Variants in UBAP2 observed in about 807,000 individuals in gnomAD.
The protein encoded by UBAP2 is ubiquitin associated protein 2, also known as ubiquitin-associated protein 2.
UBAP2 carries 75 observed loss-of-function variants against 139.6 expected under a neutral mutation model. That is an observed-to-expected ratio of 0.54 (90% confidence interval 0.45 to 0.65). UBAP2 has a LOEUF of 0.65. UBAP2 is among the 30% of genes least tolerant of loss of function. UBAP2 has a pLI of 0.00. For synonymous variants in UBAP2, 526 were observed against 526.2 expected (o/e 1.00, Z 0.01); for missense variants, 1,368 against 1,369.6 (o/e 1.00, Z 0.02).
chr9:33,968,961 T>C (rs993441954), intron 8 of UBAP2, among the ~76,000 whole-genome samples: 1 of 152,232 alleles, frequency 6.6e-6, no homozygotes, highest in African/African-American at 2.4e-5. Flanking sequence ...TCTGTGACTC[T>C]GCATACTATT....
At position 33,923,534 on chromosome 9, in the gene UBAP2, C is replaced by T; in HGVS notation, c.2797-56G>A. ...TAGGAAGAGGCAAGCTGAGGCTGGT[C>T]AGGTACCCCTGCCAGAGCCTAAGGC... On this transcript the variant is annotated intron_variant, in intron 24 of 28. Coordinates refer to ENST00000379238, the MANE Select transcript of UBAP2 (RefSeq NM_001370062.2). 3.2e-6 allele frequency: 5 copies of T among 1,555,612 alleles called. No homozygotes were observed. The East Asian group carries it at 6.7e-5, about 21-fold the overall frequency.
At chr9:33,932,357 G>C (rs1824056292) in intron 19 of UBAP2, among the ~76,000 whole-genome samples, 1 of 152,156 alleles carries the variant, frequency 6.6e-6, no homozygotes, top group Non-Finnish European at 1.5e-5. Context: ...ATTCTTCCCA[G>C]GCGCTACAAA....
In UBAP2 at chr9:33,935,826, C is replaced by G. The variant is rs1284926001; in HGVS notation, c.1969+13G>C. 6.2e-7 allele frequency: 1 copy of G among 1,614,104 alleles called. No homozygotes were observed. Among genetic ancestry groups the G allele is most frequent in the Non-Finnish European group, 8.5e-7 (1 of 1,179,974 alleles). On this transcript the variant is annotated intron_variant, in intron 17 of 28. Coordinates refer to ENST00000379238, the MANE Select transcript of UBAP2 (RefSeq NM_001370062.2). The stretch of plus-strand genomic sequence containing the variant: ...CACCAGCCATGACAAGAGTAGCTTG[C>G]TGCTATACTTACTGTCTAGTGTCTG...
At chr9:34,041,199 T>C (rs117703548) in intron 1 of UBAP2, among the ~76,000 whole-genome samples, 11,961 of 151,404 alleles carry the variant, frequency 0.079, 677 homozygotes, top group Non-Finnish European at 0.12. Flanking sequence ...ACACCTGTAA[T>C]CCCGGCACTT....
intron 19 of UBAP2, chr9:33,928,800 C>G (rs1823712089): frequency 6.6e-6 from 1 of 152,386 alleles, no homozygotes; most frequent in South Asian, 2.1e-4. Context: ...AGAGGGAGAC[C>G]AGTCTCCAAA....
At chr9:33,923,546 C>A in intron 24 of UBAP2, 68 bp from the exon 25 acceptor site, 2 of 1,496,164 alleles carry the variant, frequency 1.3e-6, no homozygotes, top group Non-Finnish European at 1.9e-6. Context: ...GGTACCCCTG[C>A]CAGAGCCTAA....
intron 12 of UBAP2, among the ~76,000 whole-genome samples, chr9:33,950,636 T>C (rs1185874249): frequency 6.6e-6 from 1 of 152,214 alleles, no homozygotes; most frequent in African/African-American, 2.4e-5. Flanking sequence ...CTGAGGTTGC[T>C]ACCAATTTGC....
intron 10 of UBAP2, among the ~76,000 whole-genome samples, chr9:33,960,019 TCCTG>T (rs1323136064): frequency 6.6e-6 from 1 of 152,142 alleles, no homozygotes; most frequent in Non-Finnish European, 1.5e-5. Context: ...AGCCTTGAAC[TCCTG>T]GGCTCAAGAG....
chr9:33,926,412 G>A (rs1305937661), intron 22 of UBAP2, among the ~76,000 whole-genome samples: 2 of 152,178 alleles, frequency 1.3e-5, no homozygotes, highest in African/African-American at 4.8e-5. Context: ...TGTTTCCCAG[G>A]GATGAGCACT....
chr9:34,010,818 A>G (rs117918420), intron 2 of UBAP2, among the ~76,000 whole-genome samples: 1 of 152,190 alleles, frequency 6.6e-6, no homozygotes, highest in Non-Finnish European at 1.5e-5. Context: ...CTCACTGCAC[A>G]GTAAGTATTA....
At chr9:34,015,498 T>G (rs1824172421) in intron 2 of UBAP2, among the ~76,000 whole-genome samples, 1 of 151,856 alleles carries the variant, frequency 6.6e-6, no homozygotes, top group Non-Finnish European at 1.5e-5. Context: ...TTTCGTATTT[T>G]TTTTTTTTAG....
At chr9:33,946,576 T>TG (rs1232325037) in intron 13 of UBAP2, among the ~76,000 whole-genome samples, 1 of 152,188 alleles carries the variant, frequency 6.6e-6, no homozygotes, top group African/African-American at 2.4e-5. Flanking sequence ...ACCTAATATT[T>TG]TAGCCTTTGT....
At chr9:33,958,484 C>T (rs1826752816) in intron 10 of UBAP2, among the ~76,000 whole-genome samples, 1 of 151,290 alleles carries the variant, frequency 6.6e-6, no homozygotes, top group South Asian at 2.1e-4. Flanking sequence ...GATCTTGTCT[C>T]ACTGCAAGTG....
intron 27 of UBAP2, 24 bp from the exon 28 acceptor site, chr9:33,922,902 T>C: frequency 6.2e-7 from 1 of 1,612,166 alleles, no homozygotes; most frequent in Non-Finnish European, 8.5e-7. Flanking sequence ...AAGACAATGG[T>C]GAAGGTCAGG....
intron 1 of UBAP2, among the ~76,000 whole-genome samples, chr9:34,048,284 T>A (rs993482500): frequency 6.6e-6 from 1 of 152,218 alleles, no homozygotes; most frequent in Non-Finnish European, 1.5e-5. Flanking sequence ...GGAGGAAAAC[T>A]GAGTCCCAAT....
At chr9:34,016,323 GGAA>G (rs1824310900) in intron 2 of UBAP2, among the ~76,000 whole-genome samples, 2 of 128,132 alleles carry the variant, frequency 1.6e-5, no homozygotes, top group African/African-American at 5.8e-5. Flanking sequence ...AAGAGAAGGA[GGAA>G]GAGGAGGAGG....
intron 1 of UBAP2, among the ~76,000 whole-genome samples, chr9:34,045,900 C>T (rs560365986): frequency 6.6e-6 from 1 of 152,186 alleles, no homozygotes; most frequent in East Asian, 1.9e-4. Flanking sequence ...CCCTACATGT[C>T]CTCCCTCTCT....
In UBAP2 at chr9:33,948,556, A is replaced by T. The variant is rs754142197; in HGVS notation, c.1088T>A (p.Leu363His). ...GATGTTTGCCATTTTTGGTGGTGCAAGCTCTCCAAATCCTGAGCCAAGGAC... is the reference window on the plus strand; with the variant it reads ...GATGTTTGCCATTTTTGGTGGTGCATGCTCTCCAAATCCTGAGCCAAGGAC... ...SSVLGSGFGE[L>H]APPKMANITS... The change falls in exon 13 of 29, where the codon CTT (leucine) becomes CAT (histidine). Residue 363 changes from leucine (L) to histidine (H), a missense_variant. Coordinates refer to ENST00000379238, the MANE Select transcript of UBAP2 (RefSeq NM_001370062.2). 1.2e-6 allele frequency: 2 copies of T among 1,614,068 alleles called. No homozygotes were observed. The highest frequency in any genetic ancestry group is 1.7e-6 in the Non-Finnish European group (2 of 1,180,032).
At chr9:33,923,754 C>T (rs1823153932) in intron 24 of UBAP2, 41 bp downstream of exon 24, 1 of 1,602,510 alleles carries the variant, frequency 6.2e-7, no homozygotes, top group Middle Eastern at 1.7e-4. Context: ...TGCCAGCAAC[C>T]CAAGGCCAGG....
Sources: allele counts gnomAD v4.1 joint callset (sites outside exome capture counted in the v4.1 genomes callset), GRCh38; gene constraint gnomAD v4.1.1; transcripts MANE v1.5; gene names NCBI Gene and HGNC (gene_info 2026-07-23, HGNC 2026-07-21).